PLAAT3: variants seen among roughly 807,000 people sequenced by gnomAD.
PLAAT3 encodes phospholipase A and acyltransferase 3.
Under a neutral mutation model 16.7 loss-of-function variants are expected in PLAAT3, and 21 were observed. The ratio of observed to expected loss-of-function variants is 1.26; its 90% confidence interval spans 0.89 to 1.81. The LOEUF (loss-of-function observed/expected upper bound fraction) is 1.81. Among genes scored for constraint, PLAAT3 ranks in the 40% most tolerant of loss-of-function variants. The pLI is 0.00. For missense variants in PLAAT3, 219 were observed against 213.7 expected (o/e 1.02, Z -0.16); for synonymous variants, 76 against 81.7 (o/e 0.93, Z 0.38).
intron 3 of PLAAT3, among the ~76,000 whole-genome samples, chr11:63,594,112 C>T (rs116282493): frequency 0.01 from 1,581 of 152,290 alleles, 24 homozygotes; most frequent in African/African-American, 0.032. Context: ...TTGGAAGGAA[C>T]GGAGAATGAC....
intron 2 of PLAAT3, among the ~76,000 whole-genome samples, chr11:63,600,983 G>A (rs1938412354): frequency 6.6e-6 from 1 of 150,634 alleles, no homozygotes; most frequent in Non-Finnish European, 1.5e-5. Flanking sequence ...AACACTGAAA[G>A]GGTAAGTTAT....
At chr11:63,575,539 C>G (rs983815610) in intron 4 of PLAAT3, among the ~76,000 whole-genome samples, 1 of 152,196 alleles carries the variant, frequency 6.6e-6, no homozygotes, top group Non-Finnish European at 1.5e-5. Flanking sequence ...GTACTCTTCA[C>G]ATGTTCTTAA....
chr11:63,585,218 T>C (rs898659793), intron 4 of PLAAT3, among the ~76,000 whole-genome samples: 1 of 151,946 alleles, frequency 6.6e-6, no homozygotes, highest in African/African-American at 2.4e-5. Flanking sequence ...AGAAACGGGG[T>C]TTCACCATGT....
intron 2 of PLAAT3, among the ~76,000 whole-genome samples, chr11:63,609,816 G>C (rs1335197003): frequency 6.6e-6 from 1 of 152,096 alleles, no homozygotes; most frequent in African/African-American, 2.4e-5. Flanking sequence ...CCTGGAAAAG[G>C]AAGCAAAACT....
At chr11:63,614,559 C>T (rs1379475181), upstream of PLAAT3, 2 of 155,156 alleles carry the variant, frequency 1.3e-5, no homozygotes, top group East Asian at 1.9e-4. Flanking sequence ...CCCGCGCCCC[C>T]GGCACCGCCT....
intron 2 of PLAAT3, among the ~76,000 whole-genome samples, chr11:63,611,534 T>C (rs2134435555): frequency 6.6e-6 from 1 of 152,354 alleles, no homozygotes; most frequent in East Asian, 1.9e-4. Flanking sequence ...CAGTTATCAG[T>C]TCCTGAAACA....
Position 63,590,187 on chromosome 11 carries a change from C to G in PLAAT3, c.300G>C (p.Val100=). The change falls in exon 4 of 5, where the codon GTG becomes GTC. Residue 100 remains valine, a synonymous_variant. Coordinates refer to ENST00000415826, the MANE Select transcript of PLAAT3 (RefSeq NM_001128203.2). ...TCAGCTTGTAGAGCACCTCCTGCCC[C>G]ACCAGCTCCTCCGCCCGCTGGATGA... ...SKIIQRAEEL[V]GQEVLYKLTS... 1 of 1,614,224 alleles carries G rather than the reference C, an allele frequency of 6.2e-7. No individual in the cohort carries two copies.
intron 4 of PLAAT3, among the ~76,000 whole-genome samples, chr11:63,577,166 AC>A (rs1937639193): frequency 6.8e-6 from 1 of 146,542 alleles, no homozygotes; most frequent in Non-Finnish European, 1.5e-5. Flanking sequence ...TGGCAAGTGC[AC>A]TTTTTTTTTT....
upstream of PLAAT3, among the ~76,000 whole-genome samples, chr11:63,615,501 G>T (rs991139952): frequency 2.0e-5 from 3 of 151,596 alleles, no homozygotes; most frequent in Non-Finnish European, 4.4e-5. Flanking sequence ...GGTGCAAGAA[G>T]ACCCCTTTTC....
At chr11:63,607,780 G>A (rs572624242) in intron 2 of PLAAT3, among the ~76,000 whole-genome samples, 2 of 152,044 alleles carry the variant, frequency 1.3e-5, no homozygotes, top group South Asian at 2.1e-4. Context: ...CGGAAGGAGA[G>A]GGCAGGCAGG....
intron 4 of PLAAT3, among the ~76,000 whole-genome samples, chr11:63,579,288 G>C (rs894669866): frequency 6.6e-6 from 1 of 152,212 alleles, no homozygotes; most frequent in South Asian, 2.1e-4. Flanking sequence ...CTGTAAACCA[G>C]TTCAACCATT....
chr11:63,575,701 C>T (rs2017649845), intron 4 of PLAAT3, among the ~76,000 whole-genome samples: 1 of 152,140 alleles, frequency 6.6e-6, no homozygotes, highest in Admixed American at 6.5e-5. Flanking sequence ...CCTCCTGAAA[C>T]TCAACTAAAA....
chr11:63,601,629 T>A (rs530966476), intron 2 of PLAAT3, among the ~76,000 whole-genome samples: 1 of 152,176 alleles, frequency 6.6e-6, no homozygotes, highest in South Asian at 2.1e-4. Flanking sequence ...TAAAAGACAC[T>A]GCGAAGTGGA....
At chr11:63,584,989 A>C (rs1441594429) in intron 4 of PLAAT3, among the ~76,000 whole-genome samples, 1 of 152,054 alleles carries the variant, frequency 6.6e-6, no homozygotes, top group East Asian at 1.9e-4. Flanking sequence ...ATATGTACTA[A>C]ATCTATCATC....
Position 63,588,591 on chromosome 11 carries a change from T to G in PLAAT3, c.387+1509A>C, listed in dbSNP as rs143440736. On this transcript the variant is annotated intron_variant, in intron 4 of 4. Transcript: ENST00000415826. ...AAGCTCTTATCAACTCTCAGGGAAG[T>G]TGAAGCCAGACCATGACCAACAGAC... Among the ~76,000 whole-genome samples, 325 of 152,260 alleles carry G rather than the reference T, an allele frequency of 2.1e-3. 3 individuals carry two copies. Among genetic ancestry groups the G allele is most frequent in the African/African-American group, 6.8e-3 (282 of 41,524 alleles).
At position 63,614,035 on chromosome 11, in the gene PLAAT3, C is replaced by G. The variant is rs1938764363; in HGVS notation, c.-21G>C. On this transcript the variant is annotated 5_prime_UTR_variant, in exon 2 of 5. Transcript: ENST00000415826. ...CGCATCTTCCCTCGCGGTGTGGACCCTCAAGGCCAGGCTCGATTTCGCTGC... is the reference window on the plus strand; with the variant it reads ...CGCATCTTCCCTCGCGGTGTGGACCGTCAAGGCCAGGCTCGATTTCGCTGC... The G allele has an allele frequency of 1.2e-6, 2 of 1,613,636 alleles. No individual in the cohort carries two copies. The highest frequency in any genetic ancestry group is 2.7e-5 in the African/African-American group (2 of 75,038).
chr11:63,616,009 A>C (rs999445189), upstream of PLAAT3, among the ~76,000 whole-genome samples: 9 of 152,158 alleles, frequency 5.9e-5, no homozygotes, highest in Non-Finnish European at 1.3e-4. Context: ...CGTATTTGTC[A>C]TGTACAACAT....
chr11:63,594,090 A>C (rs1219828418), intron 3 of PLAAT3, among the ~76,000 whole-genome samples: 1 of 152,178 alleles, frequency 6.6e-6, no homozygotes. Context: ...TCCCTGATAG[A>C]TTAGACATGG....
chr11:63,602,239 A>G (rs1010785097), intron 2 of PLAAT3, among the ~76,000 whole-genome samples: 16 of 151,568 alleles, frequency 1.1e-4, no homozygotes, highest in African/African-American at 3.9e-4. Context: ...GCAGTGAGCC[A>G]AGATCGCACC....
Sources: gnomAD v4.1 joint callset for allele counts (sites outside exome capture counted in the v4.1 genomes callset) on GRCh38, gnomAD v4.1.1 for gene constraint, MANE v1.5 for transcripts, NCBI Gene and HGNC (gene_info 2026-07-23, HGNC 2026-07-21) for gene names.